Variants in CCSER1 observed in about 807,000 individuals in gnomAD.
The protein encoded by CCSER1 is coiled-coil serine rich protein 1.
CCSER1 carries 41 observed loss-of-function variants against 82.0 expected under a neutral mutation model. The ratio of observed to expected loss-of-function variants is 0.50; its 90% confidence interval spans 0.39 to 0.65. CCSER1 has a LOEUF of 0.65. Among genes scored for constraint, CCSER1 ranks in the 30% least tolerant of loss-of-function variants. CCSER1 has a pLI of 0.00. For missense variants in CCSER1, 1,119 were observed against 1,064.2 expected (o/e 1.05, Z -0.72); for synonymous variants, 414 against 383.9 (o/e 1.08, Z -0.92).
intron 9 of CCSER1, among the ~76,000 whole-genome samples, chr4:90,976,472 A>C (rs1481766558): frequency 6.6e-6 from 1 of 151,176 alleles, no homozygotes; most frequent in African/African-American, 2.4e-5. Flanking sequence ...ATTTTAGGTC[A>C]AGCAGTTTGG....
At chr4:91,044,155 T>G (rs1742232991) in intron 9 of CCSER1, among the ~76,000 whole-genome samples, 1 of 152,134 alleles carries the variant, frequency 6.6e-6, no homozygotes, top group African/African-American at 2.4e-5. Context: ...CAATTCTATC[T>G]AAGGTAAAAT....
At chr4:90,745,399 G>T (rs1444641589) in intron 7 of CCSER1, among the ~76,000 whole-genome samples, 3 of 152,146 alleles carry the variant, frequency 2.0e-5, no homozygotes, top group Non-Finnish European at 4.4e-5. Flanking sequence ...TGGCTGATTA[G>T]TCACCTTAAT....
At chr4:90,616,734 CACACAAAT>C (rs1721335563) in intron 5 of CCSER1, among the ~76,000 whole-genome samples, 1 of 64,154 alleles carries the variant, frequency 1.6e-5, no homozygotes, top group Non-Finnish European at 3.0e-5. Flanking sequence ...CACACACACA[CACACAAAT>C]AAAATAAAAT....
chr4:90,691,350 G>A (rs887202636), intron 6 of CCSER1, among the ~76,000 whole-genome samples: 9 of 151,888 alleles, frequency 5.9e-5, no homozygotes, highest in South Asian at 2.1e-4. Flanking sequence ...ACACAGCTTA[G>A]ACCAGTATTT....
At chr4:90,546,701 C>T (rs1776802902) in intron 5 of CCSER1, among the ~76,000 whole-genome samples, 1 of 151,966 alleles carries the variant, frequency 6.6e-6, no homozygotes, top group African/African-American at 2.4e-5. Context: ...TTTCTTTTTA[C>T]TGGAAACAAT....
intron 5 of CCSER1, among the ~76,000 whole-genome samples, chr4:90,488,540 G>T (rs1767489669): frequency 6.6e-6 from 1 of 152,090 alleles, no homozygotes; most frequent in African/African-American, 2.4e-5. Flanking sequence ...TACATCTAAA[G>T]ATAATATGTA....
At chr4:90,811,928 CACACACAT>C (rs1481572757) in intron 7 of CCSER1, among the ~76,000 whole-genome samples, 7 of 130,568 alleles carry the variant, frequency 5.4e-5, no homozygotes, top group South Asian at 2.5e-4. Flanking sequence ...CACACACACA[CACACACAT>C]ATATACACTT....
chr4:90,910,663 A>C (rs998883001), intron 8 of CCSER1, among the ~76,000 whole-genome samples: 1 of 152,230 alleles, frequency 6.6e-6, no homozygotes, highest in Non-Finnish European at 1.5e-5. Context: ...AAGGCTGAAT[A>C]AAAATAAATA....
chr4:90,341,025 A>C (rs1741279308), intron 3 of CCSER1, among the ~76,000 whole-genome samples: 2 of 152,148 alleles, frequency 1.3e-5, no homozygotes, highest in Admixed American at 1.3e-4. Context: ...AACAGTAATG[A>C]GTTTTCGCTG....
At chr4:90,786,529 A>G (rs1326985932) in intron 7 of CCSER1, among the ~76,000 whole-genome samples, 1 of 152,206 alleles carries the variant, frequency 6.6e-6, no homozygotes, top group Non-Finnish European at 1.5e-5. Flanking sequence ...TAAATCACAC[A>G]TAAATCTAAA....
At chr4:90,589,218 A>G (rs1782400936) in intron 5 of CCSER1, among the ~76,000 whole-genome samples, 1 of 152,120 alleles carries the variant, frequency 6.6e-6, no homozygotes, top group Non-Finnish European at 1.5e-5. Context: ...TCTGGGTGAG[A>G]GCCAAGTCTG....
intron 1 of CCSER1, among the ~76,000 whole-genome samples, chr4:90,225,621 T>C (rs1205409715): frequency 6.6e-6 from 1 of 152,212 alleles, no homozygotes; most frequent in African/African-American, 2.4e-5. Context: ...TCTTTGGTCT[T>C]ATAGCAATAA....
intron 10 of CCSER1, among the ~76,000 whole-genome samples, chr4:91,258,181 C>T (rs567573402): frequency 6.6e-6 from 1 of 152,092 alleles, no homozygotes; most frequent in African/African-American, 2.4e-5. Flanking sequence ...GTGATCATTT[C>T]GAGTCAGCTG....
intron 5 of CCSER1, among the ~76,000 whole-genome samples, chr4:90,535,799 AT>A (rs1775245045): frequency 1.3e-5 from 2 of 152,216 alleles, no homozygotes; most frequent in African/African-American, 4.8e-5. Flanking sequence ...CATTAAAAAA[AT>A]AAATCAATGG....
At chr4:90,764,865 G>T (rs557574138) in intron 7 of CCSER1, among the ~76,000 whole-genome samples, 29 of 152,136 alleles carry the variant, frequency 1.9e-4, no homozygotes, top group African/African-American at 6.7e-4. Flanking sequence ...CCGCTGGCTT[G>T]TGTCCCTTCC....
intron 5 of CCSER1, among the ~76,000 whole-genome samples, chr4:90,571,098 G>T (rs1181475357): frequency 1.3e-5 from 2 of 152,170 alleles, no homozygotes; most frequent in African/African-American, 4.8e-5. Flanking sequence ...TGGCCAATCT[G>T]CAGAGAAAAG....
intron 10 of CCSER1, among the ~76,000 whole-genome samples, chr4:91,459,405 A>G (rs1756376212): frequency 6.6e-6 from 1 of 152,118 alleles, no homozygotes; most frequent in Admixed American, 6.6e-5. Flanking sequence ...GGATACAAAT[A>G]AAATTGTTTG....
intron 9 of CCSER1, among the ~76,000 whole-genome samples, chr4:91,082,276 C>G (rs1722852618): frequency 6.6e-6 from 1 of 152,166 alleles, no homozygotes; most frequent in Non-Finnish European, 1.5e-5. Context: ...CTACAACCAT[C>G]TTTGACAAAC....
At chr4:90,427,616 A>G (rs1353850313) in intron 4 of CCSER1, among the ~76,000 whole-genome samples, 1 of 151,678 alleles carries the variant, frequency 6.6e-6, no homozygotes, top group African/African-American at 2.4e-5. Flanking sequence ...TCATGGAACA[A>G]TCAGTGGAAA....
Sources: gnomAD v4.1 joint callset for allele counts (sites outside exome capture counted in the v4.1 genomes callset) on GRCh38, gnomAD v4.1.1 for gene constraint, MANE v1.5 for transcripts, NCBI Gene and HGNC (gene_info 2026-07-23, HGNC 2026-07-21) for gene names.